UNC13C: variants seen among roughly 807,000 people sequenced by gnomAD.
UNC13C encodes the protein protein unc-13 homolog C.
In UNC13C, 174 loss-of-function variants were observed where a neutral mutation model predicts 245.4. The observed-to-expected ratio is 0.71, with a 90% confidence interval of 0.63 to 0.80. The LOEUF is 0.80. Ranked by LOEUF, UNC13C falls within the 30% of genes least tolerant of loss-of-function variation. The pLI, the probability that UNC13C is intolerant of heterozygous loss-of-function variation, is 0.00. For synonymous variants in UNC13C, 992 were observed against 895.1 expected (o/e 1.11, Z -1.93); for missense variants, 2,829 against 2,602.9 (o/e 1.09, Z -1.89).
intron 16 of UNC13C, among the ~76,000 whole-genome samples, chr15:54,336,321 A>G (rs892500328): frequency 6.6e-6 from 1 of 152,050 alleles, no homozygotes; most frequent in African/African-American, 2.4e-5. Context: ...ACTTTCTTGC[A>G]TTCTTCAAGA....
intron 4 of UNC13C, among the ~76,000 whole-genome samples, chr15:54,203,693 C>T (rs2034601881): frequency 6.9e-6 from 1 of 144,822 alleles, no homozygotes. Context: ...GATTGATTGG[C>T]ATTTATACAT....
intron 2 of UNC13C, among the ~76,000 whole-genome samples, chr15:54,098,632 C>G (rs1900006320): frequency 6.6e-6 from 1 of 151,994 alleles, no homozygotes; most frequent in South Asian, 2.1e-4. Flanking sequence ...AAAAGAAACA[C>G]CAGCATAAGA....
intron 4 of UNC13C, among the ~76,000 whole-genome samples, chr15:54,209,057 C>T (rs572545914): frequency 6.6e-6 from 1 of 152,150 alleles, no homozygotes; most frequent in South Asian, 2.1e-4. Context: ...GTGCTCCTGT[C>T]CTGAAAGGAA....
intron 2 of UNC13C, 46 bp downstream of exon 2, chr15:54,015,932 A>C: frequency 2.1e-6 from 3 of 1,436,014 alleles, no homozygotes; most frequent in Non-Finnish European, 2.8e-6. Context: ...GTGTTTTAAC[A>C]TTGGGTAGCA....
At chr15:53,911,001 C>A in the UNC13C span, 1 of 152,266 alleles carries the variant, frequency 6.6e-6, no homozygotes, top group African/African-American at 2.4e-5. Flanking sequence ...AGCGGTGCTG[C>A]TTGGATGAGC....
intron 2 of UNC13C, among the ~76,000 whole-genome samples, chr15:54,139,123 C>A (rs2141229640): frequency 6.6e-6 from 1 of 151,716 alleles, no homozygotes; most frequent in East Asian, 1.9e-4. Context: ...CCATGCCCAG[C>A]TAATTTTTGT....
chr15:54,301,469 T>G (rs1221596120), intron 13 of UNC13C, among the ~76,000 whole-genome samples: 1 of 152,060 alleles, frequency 6.6e-6, no homozygotes, highest in Non-Finnish European at 1.5e-5. Flanking sequence ...CCCCGGTGTG[T>G]GATGTTCCCC....
At chr15:54,547,253 T>C (rs1022676367) in intron 27 of UNC13C, among the ~76,000 whole-genome samples, 3 of 152,200 alleles carry the variant, frequency 2.0e-5, no homozygotes, top group Non-Finnish European at 4.4e-5. Flanking sequence ...TTTTTCACCT[T>C]TCTATTATGC....
intron 17 of UNC13C, among the ~76,000 whole-genome samples, chr15:54,376,761 AC>A (rs2039616358): frequency 6.6e-6 from 1 of 152,190 alleles, no homozygotes; most frequent in Non-Finnish European, 1.5e-5. Context: ...CCCATTGAAA[AC>A]CACATGAAAC....
intron 4 of UNC13C, among the ~76,000 whole-genome samples, chr15:54,211,694 C>T (rs1242325243): frequency 1.3e-5 from 2 of 152,022 alleles, no homozygotes; most frequent in African/African-American, 4.8e-5. Flanking sequence ...TGTTCCCCAT[C>T]AATATGAACA....
At chr15:54,583,209 T>C (rs1898287119) in intron 30 of UNC13C, among the ~76,000 whole-genome samples, 1 of 152,164 alleles carries the variant, frequency 6.6e-6, no homozygotes, top group African/African-American at 2.4e-5. Flanking sequence ...CTGCAAACTA[T>C]AACCATAGGC....
intron 2 of UNC13C, among the ~76,000 whole-genome samples, chr15:54,064,992 A>G (rs1050234922): frequency 1.3e-5 from 2 of 152,240 alleles, no homozygotes; most frequent in African/African-American, 4.8e-5. Context: ...TTGTTATAGA[A>G]AACTTCCTAT....
intron 2 of UNC13C, among the ~76,000 whole-genome samples, chr15:54,076,637 G>T (rs1898644091): frequency 6.6e-6 from 1 of 150,666 alleles, no homozygotes; most frequent in Non-Finnish European, 1.5e-5. Context: ...CAGAGTGATA[G>T]TTAGTCTCTA....
At chr15:54,432,267 C>G (rs1446170515) in intron 19 of UNC13C, among the ~76,000 whole-genome samples, 1 of 151,414 alleles carries the variant, frequency 6.6e-6, no homozygotes, top group Non-Finnish European at 1.5e-5. Flanking sequence ...ACTGTGATAC[C>G]TGTTAGAAAA....
intron 10 of UNC13C, among the ~76,000 whole-genome samples, chr15:54,283,736 G>A (rs1325354901): frequency 7.4e-6 from 1 of 135,672 alleles, no homozygotes; most frequent in Non-Finnish European, 1.7e-5. Flanking sequence ...GTGTGTGTGT[G>A]TGTATGTAAT....
intron 20 of UNC13C, among the ~76,000 whole-genome samples, chr15:54,496,656 GA>G (rs1201258656): frequency 6.6e-6 from 1 of 152,024 alleles, no homozygotes; most frequent in Non-Finnish European, 1.5e-5. Flanking sequence ...ATGAAATAAT[GA>G]CATTCACAGC....
the UNC13C span, among the ~76,000 whole-genome samples, chr15:53,874,621 T>A: frequency 0.15 from 22,240 of 152,158 alleles, 2,099 homozygotes; most frequent in South Asian, 0.29. Context: ...TTTCTTGAAA[T>A]GCCTCCTTTA....
At chr15:53,969,711 C>T in the UNC13C span, among the ~76,000 whole-genome samples, 8 of 146,862 alleles carry the variant, frequency 5.4e-5, no homozygotes, top group South Asian at 6.5e-4. Flanking sequence ...AAAAATCGAA[C>T]GAACAAACAA....
intron 2 of UNC13C, among the ~76,000 whole-genome samples, chr15:54,038,147 A>G (rs1219588093): frequency 5.6e-5 from 1 of 17,806 alleles, no homozygotes; most frequent in African/African-American, 2.0e-4. Flanking sequence ...TTTTCCTGAG[A>G]CAGAGTCTGT....
Sources: gnomAD v4.1 joint callset for allele counts (sites outside exome capture counted in the v4.1 genomes callset) on GRCh38, gnomAD v4.1.1 for gene constraint, MANE v1.5 for transcripts, NCBI Gene and HGNC (gene_info 2026-07-23, HGNC 2026-07-21) for gene names.